EPHA6: variants seen among roughly 807,000 people sequenced by gnomAD.
EPHA6 encodes ephrin type-A receptor 6.
Under a neutral mutation model 112.0 loss-of-function variants are expected in EPHA6, and 50 were observed. The ratio of observed to expected loss-of-function variants is 0.45; its 90% CI spans 0.36 to 0.56. The LOEUF (loss-of-function observed/expected upper bound fraction) is 0.56. EPHA6 is among the 20% of genes least tolerant of loss of function. EPHA6 has a pLI of 0.00. For synonymous variants in EPHA6, 529 were observed against 490.7 expected (o/e 1.08, Z -1.03); for missense variants, 1,280 against 1,417.4 (o/e 0.90, Z 1.56).
chr3:97,221,160 G>T (rs1394671077), intron 3 of EPHA6, among the ~76,000 whole-genome samples: 1 of 151,486 alleles, frequency 6.6e-6, no homozygotes, highest in East Asian at 1.9e-4. Context: ...TAAAAATGCA[G>T]AAATTAGATG....
chr3:97,476,362 A>G (rs969374195), intron 8 of EPHA6, among the ~76,000 whole-genome samples: 1 of 152,098 alleles, frequency 6.6e-6, no homozygotes, highest in African/African-American at 2.4e-5. Context: ...ATGATTTAAA[A>G]CTGCAAAAAG....
At chr3:96,929,296 G>T (rs987515881) in intron 2 of EPHA6, among the ~76,000 whole-genome samples, 18 of 152,156 alleles carry the variant, frequency 1.2e-4, no homozygotes, top group African/African-American at 3.4e-4. Context: ...TAGTTATTTT[G>T]CAGACTTGTT....
chr3:97,483,798 C>A, intron 9 of EPHA6, 136 bp from the exon 10 acceptor site: 1 of 901,512 alleles, frequency 1.1e-6, no homozygotes, highest in Non-Finnish European at 1.5e-6. Context: ...TAATATGGGA[C>A]AGGAAGAAAA....
chr3:97,011,546 A>G (rs1438780382), intron 3 of EPHA6, among the ~76,000 whole-genome samples: 1 of 152,236 alleles, frequency 6.6e-6, no homozygotes, highest in Admixed American at 6.5e-5. Flanking sequence ...ACATTTCTCA[A>G]GGACTCTTTT....
intron 3 of EPHA6, among the ~76,000 whole-genome samples, chr3:97,017,983 CTT>C (rs202135995): frequency 4.2e-5 from 6 of 143,668 alleles, no homozygotes; most frequent in Non-Finnish European, 6.1e-5. Context: ...GTTTCTTATT[CTT>C]TTTTTTTTTG....
At chr3:97,069,303 C>G (rs987985342) in intron 3 of EPHA6, among the ~76,000 whole-genome samples, 9 of 152,088 alleles carry the variant, frequency 5.9e-5, no homozygotes, top group Admixed American at 2.6e-4. Flanking sequence ...TGAAGTGGAT[C>G]AGCATAACGT....
chr3:97,519,644 TA>T (rs2092504913), intron 10 of EPHA6, among the ~76,000 whole-genome samples: 1 of 152,212 alleles, frequency 6.6e-6, no homozygotes, highest in Admixed American at 6.5e-5. Context: ...TTTGTCTTCC[TA>T]AATTTCATTC....
intron 11 of EPHA6, among the ~76,000 whole-genome samples, chr3:97,549,582 G>C (rs1412760362): frequency 6.6e-6 from 1 of 152,144 alleles, no homozygotes; most frequent in Non-Finnish European, 1.5e-5. Flanking sequence ...TTGAACACCA[G>C]ACACAGAAAT....
At chr3:96,826,249 G>A (rs1223023226) in intron 1 of EPHA6, among the ~76,000 whole-genome samples, 2 of 151,890 alleles carry the variant, frequency 1.3e-5, no homozygotes, top group Non-Finnish European at 2.9e-5. Context: ...CTTATAACCA[G>A]ACTTTACTGA....
chr3:97,628,203 T>G (rs2093874709), intron 13 of EPHA6, among the ~76,000 whole-genome samples: 1 of 152,010 alleles, frequency 6.6e-6, no homozygotes, highest in Middle Eastern at 3.2e-3. Context: ...ATCGTTGCAG[T>G]AGAGTTTATG....
At chr3:96,852,423 C>T (rs1009886442) in intron 1 of EPHA6, among the ~76,000 whole-genome samples, 3 of 151,958 alleles carry the variant, frequency 2.0e-5, no homozygotes, top group Non-Finnish European at 4.4e-5. Context: ...AAGCGAGACT[C>T]TGTCCCAGAA....
At chr3:97,305,357 C>G (rs777712044) in intron 5 of EPHA6, among the ~76,000 whole-genome samples, 2 of 152,014 alleles carry the variant, frequency 1.3e-5, no homozygotes, top group Non-Finnish European at 2.9e-5. Flanking sequence ...CCCAGCAATC[C>G]CATTACTGGA....
intron 3 of EPHA6, among the ~76,000 whole-genome samples, chr3:97,119,002 T>A (rs1257471406): frequency 1.3e-5 from 2 of 151,924 alleles, no homozygotes; most frequent in African/African-American, 2.4e-5. Context: ...TCAAGAAAAA[T>A]TTAAGTCATT....
At chr3:97,620,532 A>G (rs1323396863) in intron 13 of EPHA6, among the ~76,000 whole-genome samples, 1 of 152,114 alleles carries the variant, frequency 6.6e-6, no homozygotes, top group African/African-American at 2.4e-5. Context: ...ACAGAGTTCT[A>G]ATATCCAGCA....
At chr3:97,035,282 T>A (rs1000057498) in intron 3 of EPHA6, among the ~76,000 whole-genome samples, 2 of 151,934 alleles carry the variant, frequency 1.3e-5, no homozygotes, top group African/African-American at 2.4e-5. Context: ...TTTTTTCTTA[T>A]GCTATATTAA....
intron 11 of EPHA6, among the ~76,000 whole-genome samples, chr3:97,542,361 T>C (rs968452240): frequency 6.6e-6 from 1 of 152,170 alleles, no homozygotes; most frequent in African/African-American, 2.4e-5. Flanking sequence ...TTTTTGTCCT[T>C]CTGATATTTT....
intron 2 of EPHA6, among the ~76,000 whole-genome samples, chr3:96,886,174 T>C (rs1034827625): frequency 6.6e-6 from 1 of 152,184 alleles, no homozygotes; most frequent in African/African-American, 2.4e-5. Context: ...ATATTCTGTA[T>C]GTATCTGCTA....
At chr3:97,479,234 T>C in intron 8 of EPHA6, 60 bp from the exon 9 acceptor site, 3 of 1,051,492 alleles carry the variant, frequency 2.9e-6, no homozygotes, top group Non-Finnish European at 4.1e-6. Context: ...TTTTAATTGG[T>C]TTTGCATTGT....
chr3:97,760,587 C>A lies in EPHA6; in HGVS notation c.*11886C>A, dbSNP rs2036137482. ...ACATATACATATGTATTTGATTAAACACTTTAAATTTTAAATGGCCGCATC... is the reference window on the plus strand; with the variant it reads ...ACATATACATATGTATTTGATTAAAAACTTTAAATTTTAAATGGCCGCATC... On this transcript the variant is annotated 3_prime_UTR_variant, in exon 18 of 18. Transcript: ENST00000389672. 5.6e-6 allele frequency: 1 copy of A among 179,222 alleles called. No individual in the cohort carries two copies. The highest frequency in any genetic ancestry group is 2.0e-4 in the South Asian group (1 of 5,072). The allele number at this position is 179,222 out of a possible 1,614,324, so 11.1% of individuals were successfully genotyped here.
Sources: allele counts gnomAD v4.1 joint callset (sites outside exome capture counted in the v4.1 genomes callset), GRCh38; gene constraint gnomAD v4.1.1; transcripts MANE v1.5; gene names NCBI Gene and HGNC (gene_info 2026-07-23, HGNC 2026-07-21).